Variants in KCNG2 observed in about 807,000 individuals in gnomAD.
KCNG2 encodes voltage-gated potassium channel regulatory subunit KCNG2.
KCNG2 carries 7 observed loss-of-function variants against 12.3 expected under a neutral mutation model. That is an observed-to-expected ratio of 0.57 (90% CI 0.32 to 1.07). KCNG2 has a LOEUF of 1.07. KCNG2 is among the 50% of genes least tolerant of loss of function. KCNG2 has a pLI of 0.04. For synonymous variants in KCNG2, 414 were observed against 351.4 expected (o/e 1.18, Z -1.99); for missense variants, 703 against 726.0 (o/e 0.97, Z 0.36).
intron 1 of KCNG2, among the ~76,000 whole-genome samples, chr18:79,836,296 G>A (rs891909992): frequency 6.6e-6 from 1 of 152,214 alleles, no homozygotes; most frequent in African/African-American, 2.4e-5. Context: ...GAAACGTTAT[G>A]TAAAAATGAA....
At chr18:79,877,270 C>G (rs145222154) in intron 3 of KCNG2, among the ~76,000 whole-genome samples, 2 of 152,252 alleles carry the variant, frequency 1.3e-5, no homozygotes, top group South Asian at 4.2e-4. Context: ...TTAAAGTCTG[C>G]GGACAGAGTC....
intron 3 of KCNG2, among the ~76,000 whole-genome samples, chr18:79,865,116 A>T (rs570336478): frequency 1.9e-5 from 2 of 102,664 alleles, no homozygotes; most frequent in East Asian, 5.6e-4. Context: ...CTTGTGCCGA[A>T]GTCTGGGTGC....
intron 3 of KCNG2, among the ~76,000 whole-genome samples, chr18:79,866,872 T>C (rs1233260148): frequency 1.4e-5 from 2 of 142,562 alleles, no homozygotes; most frequent in Non-Finnish European, 3.0e-5. Context: ...TGCTGAGGTC[T>C]GTGTGCTGAG....
chr18:79,853,050 G>A (rs902242654), intron 1 of KCNG2, among the ~76,000 whole-genome samples: 7 of 152,226 alleles, frequency 4.6e-5, no homozygotes, highest in African/African-American at 1.7e-4. Context: ...AGCATCCCAG[G>A]CAGCCTGAGA....
Position 79,847,242 on chromosome 18 carries a change from G to A in KCNG2, c.-114-9137G>A, listed in dbSNP as rs547140795. Among the ~76,000 whole-genome samples the A allele has an allele frequency of 1.4e-4, 22 of 152,290 alleles. No individual in the cohort carries two copies. The South Asian group carries it at 4.3e-3, about 30-fold the overall frequency. The stretch of plus-strand genomic sequence containing the variant: ...CGTACAAGGTCCCCCAGGTGCCTTG[G>A]GATGTGGGGCTTCTCCGTCTGGAAC... On this transcript the variant is annotated intron_variant, in intron 1 of 3. Transcript: ENST00000316249.
chr18:79,840,367 T>C (rs1978421901), intron 1 of KCNG2, among the ~76,000 whole-genome samples: 1 of 152,174 alleles, frequency 6.6e-6, no homozygotes, highest in South Asian at 2.1e-4. Flanking sequence ...CCCTTTACAA[T>C]TGTTCAACAA....
At position 79,822,086 on chromosome 18, in the gene KCNG2, A is replaced by C. The variant is rs2087574991; in HGVS notation, c.-115+24072A>C. ...TGTGAAGGCTTCAGTAAAACTTGTC[A>C]AATTCAGACTCAAGGTGCCTTTTGT... On this transcript the variant is annotated intron_variant, in intron 1 of 3. Coordinates refer to ENST00000316249, the MANE Select transcript of KCNG2 (RefSeq NM_012283.2). The surrounding 1 kb of genome is among the most constrained non-coding windows in gnomAD (Gnocchi z 4.4). 1.3e-5 allele frequency among the ~76,000 whole-genome samples: 2 copies of C among 152,218 alleles called. No individual in the cohort carries two copies. The highest frequency in any genetic ancestry group is 4.8e-5 in the African/African-American group (2 of 41,456).
At chr18:79,801,113 G>A (rs2087406579) in intron 1 of KCNG2, among the ~76,000 whole-genome samples, 1 of 152,240 alleles carries the variant, frequency 6.6e-6, no homozygotes, top group South Asian at 2.1e-4. Flanking sequence ...TCCCCGCCAC[G>A]TCAGATGAGA....
intron 3 of KCNG2, among the ~76,000 whole-genome samples, chr18:79,896,001 T>A (rs1832357900): frequency 6.6e-6 from 1 of 152,230 alleles, no homozygotes; most frequent in Non-Finnish European, 1.5e-5. Flanking sequence ...AGTCTCACTG[T>A]GTTGCCCAGG....
chr18:79,863,767 G>A lies in KCNG2; in HGVS notation c.100G>A (p.Ala34Thr), dbSNP rs1979321506. The A allele has an allele frequency of 7.9e-7, 1 of 1,260,948 alleles. No homozygotes were observed. Among genetic ancestry groups the A allele is most frequent in the Non-Finnish European group, 1.0e-6 (1 of 998,362 alleles). The allele number at this position is 1,260,948 out of a possible 1,614,324, so 78.1% of individuals were successfully genotyped here. Residue 34 changes from alanine (A) to threonine (T), a missense_variant, in exon 3 of 4, where the codon GCG becomes ACG. Transcript: ENST00000316249. ...GGCRVRLAWA[A>T]LARCPLARLE... The stretch of plus-strand genomic sequence containing the variant: ...CTGCCGCGTGCGCCTGGCATGGGCC[G>A]CGCTGGCGCGATGCCCCCTCGCGCG...
At chr18:79,874,484 C>T (rs942154324) in intron 3 of KCNG2, among the ~76,000 whole-genome samples, 6 of 152,224 alleles carry the variant, frequency 3.9e-5, no homozygotes, top group Non-Finnish European at 7.3e-5. Context: ...GTTTTGGACT[C>T]TCACAAAATA....
chr18:79,822,570 C>T lies in KCNG2; in HGVS notation c.-115+24556C>T, dbSNP rs985147152. 6.6e-6 allele frequency among the ~76,000 whole-genome samples: 1 copy of T among 152,144 alleles called. No homozygotes were observed. The highest frequency in any genetic ancestry group is 2.4e-5 in the African/African-American group (1 of 41,428). The stretch of plus-strand genomic sequence containing the variant: ...CCTCCCACGTCAGCCTCCCGAGTAG[C>T]TGGGGCCACAGGCGTGAGCCACCAT... On this transcript the variant is annotated intron_variant, in intron 1 of 3. Coordinates refer to ENST00000316249, the MANE Select transcript of KCNG2 (RefSeq NM_012283.2). The surrounding 1 kb of genome is among the most constrained non-coding windows in gnomAD (Gnocchi z 4.4).
At chr18:79,874,868 C>T (rs1323214067) in intron 3 of KCNG2, among the ~76,000 whole-genome samples, 1 of 152,210 alleles carries the variant, frequency 6.6e-6, no homozygotes, top group African/African-American at 2.4e-5. Context: ...GGACTTCAGG[C>T]TTCCCTCTTC....
At chr18:79,821,911 C>T (rs1220448771) in intron 1 of KCNG2, among the ~76,000 whole-genome samples, 3 of 152,142 alleles carry the variant, frequency 2.0e-5, no homozygotes, top group East Asian at 3.9e-4. Context: ...TATTCGTGGT[C>T]CGTTAAGACT....
intron 1 of KCNG2, among the ~76,000 whole-genome samples, chr18:79,830,299 T>C (rs1280658175): frequency 6.6e-6 from 1 of 152,180 alleles, no homozygotes; most frequent in African/African-American, 2.4e-5. Context: ...CTGGCAGGGT[T>C]CTTACAGGAT....
At chr18:79,888,217 ACG>A (rs1980602624) in intron 3 of KCNG2, among the ~76,000 whole-genome samples, 1 of 152,178 alleles carries the variant, frequency 6.6e-6, no homozygotes, top group African/African-American at 2.4e-5. Context: ...AGTCCCGTCC[ACG>A]CGGTGGGGAC....
At chr18:79,851,587 G>T (rs1362625075) in intron 1 of KCNG2, among the ~76,000 whole-genome samples, 3 of 151,176 alleles carry the variant, frequency 2.0e-5, no homozygotes, top group Non-Finnish European at 4.4e-5. Context: ...TTCAAGCTAC[G>T]CTGTGTGTGT....
At chr18:79,826,466 T>C (rs1323621189) in intron 1 of KCNG2, among the ~76,000 whole-genome samples, 1 of 150,690 alleles carries the variant, frequency 6.6e-6, no homozygotes, top group Non-Finnish European at 1.5e-5. Context: ...CGTCATTACG[T>C]TCAGTGAAAG....
chr18:79,895,248 G>A (rs1001327747), intron 3 of KCNG2, among the ~76,000 whole-genome samples: 17 of 143,636 alleles, frequency 1.2e-4, no homozygotes, highest in East Asian at 8.7e-4. Flanking sequence ...TGTTCATGCC[G>A]TTAGTAACGA....
Sources: gnomAD v4.1 joint callset for allele counts (sites outside exome capture counted in the v4.1 genomes callset) on GRCh38, gnomAD v4.1.1 for gene constraint, Gnocchi (gnomAD v3.1) non-coding constraint, MANE v1.5 for transcripts, NCBI Gene and HGNC (gene_info 2026-07-23, HGNC 2026-07-21) for gene names.